ZFYVE28: variants seen among roughly 807,000 people sequenced by gnomAD.
The protein encoded by ZFYVE28 is zinc finger FYVE-type containing 28.
A neutral mutation model predicts 82.1 loss-of-function variants in ZFYVE28; 40 were observed. The observed-to-expected ratio is 0.49, with a 90% CI of 0.38 to 0.63. ZFYVE28 has a LOEUF of 0.63. ZFYVE28 is among the 30% of genes least tolerant of loss of function. ZFYVE28 has a pLI of 0.00. For missense variants in ZFYVE28, 1,321 were observed against 1,242.1 expected, an observed-to-expected ratio of 1.06 and a Z score of -0.96; for synonymous variants, 612 against 546.1, an observed-to-expected ratio of 1.12 and a Z score of -1.68.
At chr4:2,364,905 G>A (rs1178330050) in intron 1 of ZFYVE28, 2 of 985,490 alleles carry the variant, frequency 2.0e-6, no homozygotes, top group Non-Finnish European at 2.4e-6. Flanking sequence ...AGGCGGCGCG[G>A]AGGGACAGTG....
intron 1 of ZFYVE28, among the ~76,000 whole-genome samples, chr4:2,413,960 C>T (rs952013381): frequency 2.0e-5 from 3 of 152,240 alleles, no homozygotes; most frequent in Admixed American, 6.5e-5. Flanking sequence ...CCTCAGCCAC[C>T]AGTGGGGAGC....
At chr4:2,330,284 T>TG in intron 6 of ZFYVE28, 1 of 988,766 alleles carries the variant, frequency 1.0e-6, no homozygotes, top group South Asian at 4.6e-5. Context: ...CTCAGTAACA[T>TG]GGAAAAATAA....
chr4:2,367,390 A>G (rs999007319), intron 1 of ZFYVE28, among the ~76,000 whole-genome samples: 17 of 152,242 alleles, frequency 1.1e-4, no homozygotes, highest in Admixed American at 9.8e-4. Flanking sequence ...GCAGGGGCTG[A>G]GCCTCAGGCT....
At chr4:2,292,729 T>C (rs2108812434) in intron 8 of ZFYVE28, among the ~76,000 whole-genome samples, 1 of 152,268 alleles carries the variant, frequency 6.6e-6, no homozygotes, top group African/African-American at 2.4e-5. Context: ...CTGTCTCACA[T>C]TTCAAGCAGA....
intron 6 of ZFYVE28, among the ~76,000 whole-genome samples, chr4:2,322,912 G>A (rs1012876887): frequency 7.9e-5 from 12 of 152,190 alleles, no homozygotes; most frequent in East Asian, 3.9e-4. Context: ...GGCACGTGGC[G>A]AATGTTCCCG....
At chr4:2,311,068 T>G (rs1717405629) in intron 7 of ZFYVE28, among the ~76,000 whole-genome samples, 1 of 152,254 alleles carries the variant, frequency 6.6e-6, no homozygotes, top group African/African-American at 2.4e-5. Flanking sequence ...TTGTCAAATT[T>G]AGTGATATAA....
intron 8 of ZFYVE28, among the ~76,000 whole-genome samples, chr4:2,275,064 G>A (rs576863673): frequency 1.3e-5 from 2 of 150,088 alleles, no homozygotes; most frequent in South Asian, 2.1e-4. Context: ...AACAGGGCCC[G>A]GGACCTCCAG....
chr4:2,284,460 G>A (rs1372998416), intron 8 of ZFYVE28, among the ~76,000 whole-genome samples: 1 of 152,194 alleles, frequency 6.6e-6, no homozygotes, highest in Non-Finnish European at 1.5e-5. Flanking sequence ...AGCTTTCAGA[G>A]GAAGCATTTT....
intron 1 of ZFYVE28, among the ~76,000 whole-genome samples, chr4:2,374,794 C>T (rs1376246237): frequency 6.6e-6 from 1 of 152,204 alleles, no homozygotes; most frequent in African/African-American, 2.4e-5. Context: ...CCTCATCTCC[C>T]CACCTTTGGG....
chr4:2,334,340 G>C (rs1411703812), intron 6 of ZFYVE28, among the ~76,000 whole-genome samples: 5 of 151,982 alleles, frequency 3.3e-5, no homozygotes, highest in Non-Finnish European at 5.9e-5. Context: ...GGCCCCGGCA[G>C]CAGCCCCCAT....
intron 1 of ZFYVE28, among the ~76,000 whole-genome samples, chr4:2,414,349 A>C (rs1331487703): frequency 6.6e-6 from 1 of 152,230 alleles, no homozygotes; most frequent in East Asian, 1.9e-4. Context: ...TAAAGCACAC[A>C]CACCCAGCAA....
chr4:2,331,047 G>T (rs1327052981), intron 6 of ZFYVE28: 2 of 1,492,360 alleles, frequency 1.3e-6, no homozygotes, highest in Admixed American at 2.1e-5. Context: ...GGAAGGAGGG[G>T]GCTGGGGAGG....
chr4:2,329,070 G>A (rs1303531458), intron 6 of ZFYVE28: 1 of 693,138 alleles, frequency 1.4e-6, no homozygotes, highest in South Asian at 1.5e-5. Flanking sequence ...TTTTGTTTTT[G>A]TTTTTCAATA....
intron 7 of ZFYVE28, among the ~76,000 whole-genome samples, chr4:2,310,837 T>G (rs1053337457): frequency 1.3e-5 from 2 of 152,240 alleles, no homozygotes; most frequent in Admixed American, 6.5e-5. Context: ...ATGTCTTTTT[T>G]TCTATTCCCT....
intron 2 of ZFYVE28, chr4:2,343,473 C>G (rs761542714): frequency 9.9e-5 from 15 of 152,192 alleles, no homozygotes; most frequent in Non-Finnish European, 1.9e-4. Flanking sequence ...AAATGTTAAG[C>G]CTTTATAATA....
intron 1 of ZFYVE28, among the ~76,000 whole-genome samples, chr4:2,371,019 A>T (rs2108904443): frequency 6.6e-6 from 1 of 152,318 alleles, no homozygotes; most frequent in South Asian, 2.1e-4. Context: ...TGGACGCAGC[A>T]TGTGGGGCGC....
rs145106464 is a variant in ZFYVE28, at chr4:2,335,438, G to A, written c.701+267C>T. On this transcript the variant is annotated intron_variant, in intron 6 of 12. Transcript: ENST00000290974. This position sits in a 1 kb window ranked among gnomAD's most constrained non-coding sequence, Gnocchi z 5.8. Reference sequence around the variant, plus strand: ...CTCACCTGTGGATCTCACCTGTCCAGTGGCAGGTGGCAGGTGTTAGGCCAC... The same window carrying A: ...CTCACCTGTGGATCTCACCTGTCCAATGGCAGGTGGCAGGTGTTAGGCCAC... Among the ~76,000 whole-genome samples the A allele has an allele frequency of 6.6e-6, 1 of 152,276 alleles. No individual in the cohort carries two copies. The highest frequency in any genetic ancestry group is 1.5e-5 in the Non-Finnish European group (1 of 68,018).
At chr4:2,313,226 A>G (rs1053350128) in intron 7 of ZFYVE28, among the ~76,000 whole-genome samples, 1 of 151,464 alleles carries the variant, frequency 6.6e-6, no homozygotes, top group African/African-American at 2.4e-5. Context: ...CATATAATCA[A>G]TTCTGATAAA....
intron 7 of ZFYVE28, among the ~76,000 whole-genome samples, chr4:2,309,236 T>G (rs115630216): frequency 1.3e-5 from 2 of 152,164 alleles, no homozygotes; most frequent in African/African-American, 4.8e-5. Flanking sequence ...CCCCTTCCCC[T>G]CCTGCTTCTC....
Sources: gnomAD v4.1 joint callset for allele counts (sites outside exome capture counted in the v4.1 genomes callset) on GRCh38, gnomAD v4.1.1 for gene constraint, Gnocchi (gnomAD v3.1) non-coding constraint, MANE v1.5 for transcripts, NCBI Gene and HGNC (gene_info 2026-07-23, HGNC 2026-07-21) for gene names.